The following ARHGAP10 variants were observed in gnomAD, a reference collection of about 807,000 sequenced individuals.
The protein encoded by ARHGAP10 is rho GTPase-activating protein 10.
A neutral mutation model predicts 108.6 loss-of-function variants in ARHGAP10; 87 were observed. The ratio of observed to expected loss-of-function variants is 0.80; its 90% CI spans 0.67 to 0.96. The LOEUF (loss-of-function observed/expected upper bound fraction) is 0.96, where lower values mean the gene tolerates loss of function less well. Ranked by LOEUF, ARHGAP10 falls within the 40% of genes least tolerant of loss-of-function variation. ARHGAP10 has a pLI of 0.00. For synonymous variants in ARHGAP10, 347 were observed against 341.1 expected (o/e 1.02, Z -0.19); for missense variants, 939 against 954.5 (o/e 0.98, Z 0.21).
chr4:147,933,764 T>C (rs1369672534), intron 13 of ARHGAP10, among the ~76,000 whole-genome samples: 3 of 152,190 alleles, frequency 2.0e-5, no homozygotes, highest in African/African-American at 7.2e-5. Flanking sequence ...ATGGGTGGGA[T>C]GAATTTCTGA....
intron 18 of ARHGAP10, among the ~76,000 whole-genome samples, chr4:147,973,534 A>G (rs1739487752): frequency 6.6e-6 from 1 of 152,216 alleles, no homozygotes; most frequent in Admixed American, 6.5e-5. Flanking sequence ...TTTGTGTTAC[A>G]AGCAATCCAG....
intron 5 of ARHGAP10, among the ~76,000 whole-genome samples, chr4:147,860,019 A>C (rs1228272869): frequency 2.6e-5 from 4 of 152,214 alleles, no homozygotes; most frequent in Admixed American, 2.6e-4. Flanking sequence ...TACTTTTGGC[A>C]GTGGTTAATG....
At chr4:147,778,234 G>A (rs1314196155) in intron 1 of ARHGAP10, among the ~76,000 whole-genome samples, 1 of 152,106 alleles carries the variant, frequency 6.6e-6, no homozygotes. Context: ...GAAAGAGTGG[G>A]TGCTGCCTGT....
In ARHGAP10 at chr4:147,973,066, T is replaced by C. The variant is rs557912224; in HGVS notation, c.1716+6227T>C. Among the ~76,000 whole-genome samples the C allele has an allele frequency of 2.6e-5, 4 of 152,296 alleles. No homozygotes were observed. In the South Asian group the frequency reaches 8.3e-4, roughly 32 times the overall value. ...CACCGTGACTGGCCTAATGGTGACA[T>C]TTCTGTTGAGAGCCAGAGTGTGGAT... On this transcript the variant is annotated intron_variant, in intron 18 of 22. Transcript: ENST00000336498.
chr4:147,966,087 C>T (rs535702239), intron 17 of ARHGAP10, among the ~76,000 whole-genome samples: 1 of 152,328 alleles, frequency 6.6e-6, no homozygotes, highest in African/African-American at 2.4e-5. Flanking sequence ...ATTGTGGGTG[C>T]TCTGACCAAA....
At chr4:148,016,203 T>C (rs1428746108) in intron 18 of ARHGAP10, among the ~76,000 whole-genome samples, 1 of 152,184 alleles carries the variant, frequency 6.6e-6, no homozygotes, top group Admixed American at 6.5e-5. Context: ...GAAACATCTT[T>C]TTAAAAAAGA....
chr4:148,051,040 A>G (rs550966350), intron 20 of ARHGAP10, among the ~76,000 whole-genome samples: 2 of 152,346 alleles, frequency 1.3e-5, no homozygotes, highest in South Asian at 4.1e-4. Flanking sequence ...AAATGCTAAA[A>G]TCTTGTCCAC....
At chr4:147,999,981 G>A (rs1740636306) in intron 18 of ARHGAP10, among the ~76,000 whole-genome samples, 2 of 151,750 alleles carry the variant, frequency 1.3e-5, no homozygotes, top group South Asian at 4.2e-4. Context: ...CAACGTGCGG[G>A]TTTGTTACAT....
At chr4:147,836,654 C>A (rs372012971) in intron 3 of ARHGAP10, among the ~76,000 whole-genome samples, 31 of 152,010 alleles carry the variant, frequency 2.0e-4, no homozygotes, top group African/African-American at 7.3e-4. Context: ...TTCCTTAAAT[C>A]TAAGTACCAA....
chr4:147,856,652 C>T (rs1347954770), intron 4 of ARHGAP10, among the ~76,000 whole-genome samples: 2 of 152,184 alleles, frequency 1.3e-5, no homozygotes, highest in Non-Finnish European at 2.9e-5. Flanking sequence ...ACTTAGGCCC[C>T]ATACCCAAGA....
chr4:147,915,984 T>C (rs1231038340), intron 13 of ARHGAP10, among the ~76,000 whole-genome samples: 1 of 152,132 alleles, frequency 6.6e-6, no homozygotes, highest in Admixed American at 6.6e-5. Context: ...TAGTGTTTGC[T>C]TGTAGTGACA....
chr4:147,934,791 A>G (rs534047894), intron 13 of ARHGAP10, among the ~76,000 whole-genome samples: 2 of 152,252 alleles, frequency 1.3e-5, no homozygotes, highest in African/African-American at 4.8e-5. Flanking sequence ...CTGTTATCAC[A>G]CCACTGCATT....
At chr4:147,868,939 C>G (rs763489660) in intron 7 of ARHGAP10, among the ~76,000 whole-genome samples, 1 of 151,958 alleles carries the variant, frequency 6.6e-6, no homozygotes, top group African/African-American at 2.4e-5. Context: ...GGTTGGGGAC[C>G]CCTGCTTGAG....
intron 4 of ARHGAP10, among the ~76,000 whole-genome samples, chr4:147,854,516 T>A (rs1734012208): frequency 6.6e-6 from 1 of 152,182 alleles, no homozygotes; most frequent in Non-Finnish European, 1.5e-5. Context: ...ATAAGAAAAG[T>A]TTTCATATTG....
chr4:147,755,075 T>A (rs150385702), intron 1 of ARHGAP10, among the ~76,000 whole-genome samples: 20,250 of 148,072 alleles, frequency 0.14, 1,724 homozygotes, highest in African/African-American at 0.25. Flanking sequence ...AGAGTGAAAC[T>A]CCGTCTCAAA....
chr4:147,864,198 A>G (rs1330342459), intron 5 of ARHGAP10: 3 of 152,416 alleles, frequency 2.0e-5, no homozygotes, highest in South Asian at 4.1e-4. Flanking sequence ...CTAGTTAGGC[A>G]AGCTAAGCTG....
Position 148,072,229 on chromosome 4 carries a change from G to A in ARHGAP10, c.*148G>A. On this transcript the variant is annotated 3_prime_UTR_variant, in exon 23 of 23. Coordinates refer to ENST00000336498, the MANE Select transcript of ARHGAP10 (RefSeq NM_024605.4). ...ATCATCACAGTCAGCCCTGGGGGTG[G>A]GGGGTGGTGGGCAGGGATGGGACGC... 1 of 538,660 alleles carries A rather than the reference G, an allele frequency of 1.9e-6. No individual in the cohort carries two copies. The highest frequency in any genetic ancestry group is 2.2e-5 in the South Asian group (1 of 45,748). 33.4% of individuals were successfully genotyped at this position (538,660 alleles called of 1,614,324 possible). A position where few individuals can be genotyped will look rare whatever the true frequency, so the allele number is the denominator to read the frequency against.
chr4:147,754,106 C>A (rs948808882), intron 1 of ARHGAP10, among the ~76,000 whole-genome samples: 1 of 152,302 alleles, frequency 6.6e-6, no homozygotes, highest in African/African-American at 2.4e-5. Context: ...AGAACAGTGC[C>A]TTGCTCATAG....
chr4:147,916,759 G>C (rs537522865), intron 13 of ARHGAP10: 2 of 152,296 alleles, frequency 1.3e-5, no homozygotes, highest in Admixed American at 1.3e-4. Context: ...GTATAGCTGC[G>C]GGGGCATATC....
Sources: allele counts gnomAD v4.1 joint callset (sites outside exome capture counted in the v4.1 genomes callset), GRCh38; gene constraint gnomAD v4.1.1; transcripts MANE v1.5; gene names NCBI Gene and HGNC (gene_info 2026-07-23, HGNC 2026-07-21).